RASSF9: variants seen among roughly 807,000 people sequenced by gnomAD.
RASSF9 encodes the protein ras association domain-containing protein 9.
In RASSF9, 18 loss-of-function variants were observed where a neutral mutation model predicts 21.4. That is an observed-to-expected ratio of 0.84 (90% confidence interval 0.58 to 1.25). The LOEUF is 1.25. Ranked by LOEUF, RASSF9 falls within the 50% of genes most tolerant of loss-of-function variation. The probability of loss-of-function intolerance (pLI) is 0.00; values close to 1 mark genes in which losing one functional copy is unlikely to be tolerated. For synonymous variants in RASSF9, 183 were observed against 179.1 expected (o/e 1.02, Z -0.18); for missense variants, 480 against 503.2 (o/e 0.95, Z 0.44).
In RASSF9 at chr12:85,801,656, TA is replaced by T. The variant is rs1369004790; in HGVS notation, c.*3045del. 1 of 152,034 alleles carries T rather than the reference TA, an allele frequency of 6.6e-6. No individual in the cohort carries two copies. Among genetic ancestry groups the T allele is most frequent in the African/African-American group, 2.4e-5 (1 of 41,352 alleles). The allele number at this position is 152,034 out of a possible 1,614,324, so 9.4% of individuals were successfully genotyped here. A position where few individuals can be genotyped will look rare whatever the true frequency, so the allele number is the denominator to read the frequency against. ...TGAAACCCCGTCTCTACTAAAAAAA[TA>T]CAAAAAAATTAGCCTGGCGTGGTGG... On this transcript the variant is annotated 3_prime_UTR_variant, in exon 2 of 2. Transcript: ENST00000361228.
At chr12:85,828,829 C>G (rs1025934956) in intron 1 of RASSF9, among the ~76,000 whole-genome samples, 2 of 152,068 alleles carry the variant, frequency 1.3e-5, no homozygotes, top group African/African-American at 4.8e-5. Flanking sequence ...CTACTATGGC[C>G]TTTTAAGTGT....
At chr12:85,826,833 A>G (rs979468493) in intron 1 of RASSF9, among the ~76,000 whole-genome samples, 1 of 152,162 alleles carries the variant, frequency 6.6e-6, no homozygotes, top group Admixed American at 6.5e-5. Context: ...TAGCCCTTCA[A>G]TGGTTCCCAC....
At chr12:85,825,868 G>A (rs1880322916) in intron 1 of RASSF9, among the ~76,000 whole-genome samples, 1 of 151,910 alleles carries the variant, frequency 6.6e-6, no homozygotes, top group African/African-American at 2.4e-5. Context: ...TTCAACCAAA[G>A]GTAATGATTA....
intron 1 of RASSF9, among the ~76,000 whole-genome samples, chr12:85,813,122 T>G (rs1167747635): frequency 6.6e-6 from 1 of 151,854 alleles, no homozygotes; most frequent in African/African-American, 2.4e-5. Flanking sequence ...ATTATTCAGG[T>G]TTTGCCTTTT....
chr12:85,831,940 T>G (rs1281402549), intron 1 of RASSF9, among the ~76,000 whole-genome samples: 1 of 151,956 alleles, frequency 6.6e-6, no homozygotes, highest in Non-Finnish European at 1.5e-5. Context: ...GAATGCAAAT[T>G]TTATGTATCA....
At chr12:85,814,230 C>T (rs1880013434) in intron 1 of RASSF9, among the ~76,000 whole-genome samples, 1 of 152,032 alleles carries the variant, frequency 6.6e-6, no homozygotes, top group Non-Finnish European at 1.5e-5. Context: ...TGAAGTTTAT[C>T]TCAGTGGTTC....
intron 1 of RASSF9, among the ~76,000 whole-genome samples, chr12:85,824,555 A>AT (rs766642533): frequency 1.4e-3 from 214 of 152,186 alleles, no homozygotes; most frequent in Non-Finnish European, 2.4e-3. Flanking sequence ...TATTTTTTAA[A>AT]TTTTTTTATT....
rs1184372207 is a variant in RASSF9 at position 85,801,356 on chromosome 12, T to C, written c.*3346A>G. ...CTGCTAAAATACGTATTCATTCATG[T>C]ACAAAATGTACAAGCATCATTTACC... On this transcript the variant is annotated 3_prime_UTR_variant, in exon 2 of 2. Transcript: ENST00000361228. 1 of 152,102 alleles carries C rather than the reference T, an allele frequency of 6.6e-6. No individual in the cohort carries two copies. Among genetic ancestry groups the C allele is most frequent in the African/African-American group, 2.4e-5 (1 of 41,382 alleles). 9.4% of individuals were successfully genotyped at this position (152,102 alleles called of 1,614,324 possible). A position where few individuals can be genotyped will look rare whatever the true frequency, so the allele number is the denominator to read the frequency against.
At position 85,809,668 on chromosome 12, in the gene RASSF9, A is replaced by AATGATG. The variant is rs112741704; in HGVS notation, c.48-3712_48-3707dup. On this transcript the variant is annotated intron_variant, in intron 1 of 1. Transcript: ENST00000361228. ...TCATTTTTAATAGTAGAATAGTAAT[A>AATGATG]ATGATGATGATGATGATGATGATGA... Among the ~76,000 whole-genome samples, 692 of 139,272 alleles carry AATGATG rather than the reference A, an allele frequency of 5.0e-3. 1 individual carries two copies. The highest frequency in any genetic ancestry group is 0.012 in the Admixed American group (160 of 13,734). The allele number at this position is 139,272 out of a possible 152,430, so 91.4% of individuals were successfully genotyped here. A position where few individuals can be genotyped will look rare whatever the true frequency, so the allele number is the denominator to read the frequency against.
At chr12:85,835,156 A>T (rs2136566414) in intron 1 of RASSF9, among the ~76,000 whole-genome samples, 1 of 152,254 alleles carries the variant, frequency 6.6e-6, no homozygotes, top group East Asian at 1.9e-4. Context: ...AGACACTTTA[A>T]AATAATTATA....
chr12:85,826,944 T>A (rs1180321995), intron 1 of RASSF9, among the ~76,000 whole-genome samples: 6 of 152,190 alleles, frequency 3.9e-5, no homozygotes, highest in African/African-American at 1.4e-4. Flanking sequence ...TTTACATTTC[T>A]TCCTCTTTCT....
intron 1 of RASSF9, among the ~76,000 whole-genome samples, chr12:85,808,215 A>G (rs7132810): frequency 0.21 from 31,250 of 152,084 alleles, 3,786 homozygotes; most frequent in African/African-American, 0.32. Context: ...TAAAAAAGTT[A>G]TTACTAAAGG....
chr12:85,818,762 C>T (rs991249883), intron 1 of RASSF9, among the ~76,000 whole-genome samples: 7 of 151,862 alleles, frequency 4.6e-5, no homozygotes, highest in Non-Finnish European at 8.8e-5. Flanking sequence ...AAATCGAGAC[C>T]ATCCTGGCCA....
rs1879715111 is a variant in RASSF9 at position 85,801,951 on chromosome 12, A to G, written c.*2751T>C. On this transcript the variant is annotated 3_prime_UTR_variant, in exon 2 of 2. Coordinates refer to ENST00000361228, the MANE Select transcript of RASSF9 (RefSeq NM_005447.4). ...TTCTGGGTTCAGAGATGAGATTCCA[A>G]CTAATTGAATGGAACAAACGTATAT... The G allele has an allele frequency of 6.6e-6, 1 of 152,290 alleles. No homozygotes were observed. Among genetic ancestry groups the G allele is most frequent in the Non-Finnish European group, 1.5e-5 (1 of 68,064 alleles). The allele number at this position is 152,290 out of a possible 1,614,324, so 9.4% of individuals were successfully genotyped here.
chr12:85,834,077 AT>A (rs766868576), intron 1 of RASSF9, among the ~76,000 whole-genome samples: 18 of 152,060 alleles, frequency 1.2e-4, no homozygotes, highest in Non-Finnish European at 2.5e-4. Context: ...GCATTAGTAA[AT>A]ACCAAAACAA....
At chr12:85,826,444 AAT>A (rs1389690866) in intron 1 of RASSF9, among the ~76,000 whole-genome samples, 3 of 137,618 alleles carry the variant, frequency 2.2e-5, no homozygotes, top group African/African-American at 8.3e-5. Flanking sequence ...CATTCCTTCC[AAT>A]ATTTTTTTTT....
rs535608703 is a variant in RASSF9, at chr12:85,803,431, G to A, written c.*1271C>T. The A allele has an allele frequency of 2.0e-5, 3 of 152,192 alleles. No homozygotes were observed. The highest frequency in any genetic ancestry group is 4.1e-4 in the South Asian group (2 of 4,820). The allele number at this position is 152,192 out of a possible 1,614,324, so 9.4% of individuals were successfully genotyped here. On this transcript the variant is annotated 3_prime_UTR_variant, in exon 2 of 2. Transcript: ENST00000361228. The stretch of plus-strand genomic sequence containing the variant: ...CAATAAAAAATAATTATTTCATTAT[G>A]ATTGCATCATGTGTTCATTGGCAGG...
chr12:85,827,584 A>G (rs1293753913), intron 1 of RASSF9, among the ~76,000 whole-genome samples: 1 of 152,178 alleles, frequency 6.6e-6, no homozygotes, highest in Non-Finnish European at 1.5e-5. Flanking sequence ...TATCTAAATA[A>G]TCATACTCCA....
In RASSF9 at chr12:85,825,783, T is replaced by TACAC. The variant is rs112920213; in HGVS notation, c.47+10368_47+10371dup. Among the ~76,000 whole-genome samples the TACAC allele has an allele frequency of 2.4e-3, 352 of 147,184 alleles. 1 individual carries two copies. Among genetic ancestry groups the TACAC allele is most frequent in the East Asian group, 0.011 (53 of 4,972 alleles). ...CAAAAGGTAAAAATAATGTGATCTTTACACACACACACACACACACACACA... is the reference window on the plus strand; with the variant it reads ...CAAAAGGTAAAAATAATGTGATCTTTACACACACACACACACACACACACACACA... On this transcript the variant is annotated intron_variant, in intron 1 of 1. Coordinates refer to ENST00000361228, the MANE Select transcript of RASSF9 (RefSeq NM_005447.4).
Sources: allele counts gnomAD v4.1 joint callset (sites outside exome capture counted in the v4.1 genomes callset), GRCh38; gene constraint gnomAD v4.1.1; transcripts MANE v1.5; gene names NCBI Gene and HGNC (gene_info 2026-07-23, HGNC 2026-07-21).